Variants in AGAP1 observed in about 807,000 individuals in gnomAD.
AGAP1 encodes the protein arf-GAP with GTPase, ANK repeat and PH domain-containing protein 1.
In AGAP1, 29 loss-of-function variants were observed where a neutral mutation model predicts 105.3. That is an observed-to-expected ratio of 0.28 (90% confidence interval 0.21 to 0.38). The LOEUF (loss-of-function observed/expected upper bound fraction) is 0.38. AGAP1 is among the 10% of genes least tolerant of loss of function. The pLI is 1.00. For missense variants in AGAP1, 998 were observed against 1,165.1 expected (o/e 0.86, Z 2.09); for synonymous variants, 509 against 485.9 (o/e 1.05, Z -0.63).
rs923891745 is a variant in AGAP1, at chr2:235,692,292, CT to C, written c.164-16886del. ...TCGCCTCTGTAACAGAACGTGGCCC[CT>C]GCCTTCCATCTTCCCCAGGGTGCCA... On this transcript the variant is annotated intron_variant, in intron 1 of 17. Coordinates refer to ENST00000304032, the MANE Select transcript of AGAP1 (RefSeq NM_001037131.3). This position sits in a 1 kb window ranked among gnomAD's most constrained non-coding sequence, Gnocchi z 5.8. 6.6e-6 allele frequency among the ~76,000 whole-genome samples: 1 copy of C among 152,164 alleles called. No individual in the cohort carries two copies. Among genetic ancestry groups the C allele is most frequent in the African/African-American group, 2.4e-5 (1 of 41,436 alleles).
At position 236,126,510 on chromosome 2, in the gene AGAP1, G is replaced by A. The variant is rs919973979; in HGVS notation, c.*2388G>A. The stretch of plus-strand genomic sequence containing the variant: ...GCTTCTCTTTGGGATGTATATGAGC[G>A]TGTACATATTATTCTATGTGTTTAT... On this transcript the variant is annotated 3_prime_UTR_variant, in exon 18 of 18. Transcript: ENST00000304032. 8 of 152,320 alleles carry A rather than the reference G, an allele frequency of 5.3e-5. No individual in the cohort carries two copies. The highest frequency in any genetic ancestry group is 9.6e-5 in the African/African-American group (4 of 41,570). The allele number at this position is 152,320 out of a possible 1,614,324, so 9.4% of individuals were successfully genotyped here.
rs567202226 is a variant in AGAP1 at position 235,964,703 on chromosome 2, A to G, written c.1484-3759A>G. Among the ~76,000 whole-genome samples the G allele has an allele frequency of 2.0e-5, 3 of 152,206 alleles. No homozygotes were observed. The East Asian group carries it at 5.8e-4, about 29-fold the overall frequency. On this transcript the variant is annotated intron_variant, in intron 12 of 17. Coordinates refer to ENST00000304032, the MANE Select transcript of AGAP1 (RefSeq NM_001037131.3). The surrounding 1 kb of genome is among the most constrained non-coding windows in gnomAD (Gnocchi z 4.6). ...CCAAGATATCTATAGCTTTTATCTG[A>G]TATTCAGTGGAATCTAGTATTTCAG...
At chr2:235,808,927 G>A (rs1471476816) in intron 9 of AGAP1, among the ~76,000 whole-genome samples, 1 of 152,022 alleles carries the variant, frequency 6.6e-6, no homozygotes, top group Non-Finnish European at 1.5e-5. Context: ...ACCTAACTCT[G>A]CATAAGCTAA....
Position 235,750,636 on chromosome 2 carries a change from A to G in AGAP1, c.673+148A>G. ...TAGTATCGAGAGCAGTCCATTCCAG[A>G]GGCAATTCTCAGGTATGTTTCATAT... is the stretch of plus-strand genomic sequence containing the variant. On this transcript the variant is annotated intron_variant, in intron 6 of 17. Transcript: ENST00000304032. The surrounding 1 kb of genome is among the most constrained non-coding windows in gnomAD (Gnocchi z 5.3). 8.4e-7 allele frequency: 1 copy of G among 1,189,878 alleles called. No homozygotes were observed. Among genetic ancestry groups the G allele is most frequent in the Non-Finnish European group, 1.2e-6 (1 of 831,962 alleles). The allele number at this position is 1,189,878 out of a possible 1,614,324, so 73.7% of individuals were successfully genotyped here.
intron 13 of AGAP1, among the ~76,000 whole-genome samples, chr2:236,030,743 A>G (rs2057197959): frequency 6.6e-6 from 1 of 152,204 alleles, no homozygotes; most frequent in Non-Finnish European, 1.5e-5. Flanking sequence ...CCCCAGGAAC[A>G]AGGGAGAAAT....
chr2:235,938,393 C>T (rs905374276), intron 12 of AGAP1, among the ~76,000 whole-genome samples: 4 of 152,190 alleles, frequency 2.6e-5, no homozygotes, highest in East Asian at 1.9e-4. Flanking sequence ...ACGCTGGGTG[C>T]GCAGCGTGTC....
At chr2:235,918,024 TATA>T (rs1241469067) in intron 11 of AGAP1, among the ~76,000 whole-genome samples, 4 of 152,154 alleles carry the variant, frequency 2.6e-5, no homozygotes, top group Non-Finnish European at 5.9e-5. Context: ...TAGAAAACAT[TATA>T]ATAACTCTGG....
chr2:235,947,963 G>C (rs1387398301), intron 12 of AGAP1, among the ~76,000 whole-genome samples: 1 of 152,234 alleles, frequency 6.6e-6, no homozygotes, highest in Non-Finnish European at 1.5e-5. Flanking sequence ...GATCCAGCGT[G>C]CAATGTACGG....
intron 13 of AGAP1, among the ~76,000 whole-genome samples, chr2:235,997,414 A>G (rs1193624840): frequency 2.0e-5 from 3 of 152,210 alleles, no homozygotes; most frequent in African/African-American, 4.8e-5. Flanking sequence ...AATATAACTC[A>G]TAATTTAAGA....
rs866353682 is a variant in AGAP1, at chr2:235,612,787, T to C, written c.164-96392T>C. On this transcript the variant is annotated intron_variant, in intron 1 of 17. Coordinates refer to ENST00000304032, the MANE Select transcript of AGAP1 (RefSeq NM_001037131.3). This position sits in a 1 kb window ranked among gnomAD's most constrained non-coding sequence, Gnocchi z 4.3. ...CGCATACCTGGCACCTGCTTCCAGG[T>C]TGGCCTGCCAGCCGATGTTGTGATC... is the stretch of plus-strand genomic sequence containing the variant. Among the ~76,000 whole-genome samples, 1 of 152,126 alleles carries C rather than the reference T, an allele frequency of 6.6e-6. No homozygotes were observed. The highest frequency in any genetic ancestry group is 1.5e-5 in the Non-Finnish European group (1 of 68,042).
intron 1 of AGAP1, among the ~76,000 whole-genome samples, chr2:235,543,894 A>G (rs2149100772): frequency 6.6e-6 from 1 of 152,246 alleles, no homozygotes; most frequent in Non-Finnish European, 1.5e-5. Context: ...TCAGGGAATC[A>G]CGGGATGGTT....
chr2:235,500,312 T>C (rs574922387), intron 1 of AGAP1, among the ~76,000 whole-genome samples: 90 of 151,728 alleles, frequency 5.9e-4, no homozygotes, highest in African/African-American at 2.1e-3. Flanking sequence ...TCAGGTCACA[T>C]TGAGGGCTGA....
At chr2:235,825,317 C>T (rs972822027) in intron 9 of AGAP1, among the ~76,000 whole-genome samples, 9 of 152,216 alleles carry the variant, frequency 5.9e-5, no homozygotes, top group Admixed American at 2.0e-4. Flanking sequence ...ATCCAACGAC[C>T]CTTTGAACAG....
At chr2:235,933,103 A>G (rs975544568) in intron 12 of AGAP1, among the ~76,000 whole-genome samples, 7 of 152,206 alleles carry the variant, frequency 4.6e-5, no homozygotes, top group African/African-American at 1.4e-4. Flanking sequence ...GGAGAGCTGT[A>G]GGGAGAGCCC....
chr2:235,977,102 G>A lies in AGAP1; in HGVS notation c.1645+8479G>A, dbSNP rs1559716786. ...AGATTCTCTTCTGCGAGTGGGGCTC[G>A]GTTAGCACAAGCTGCTCACAGGCTC... On this transcript the variant is annotated intron_variant, in intron 13 of 17. Transcript: ENST00000304032. The surrounding 1 kb of genome is among the most constrained non-coding windows in gnomAD (Gnocchi z 5.2). Among the ~76,000 whole-genome samples the A allele has an allele frequency of 6.6e-6, 1 of 152,258 alleles. No individual in the cohort carries two copies. Among genetic ancestry groups the A allele is most frequent in the East Asian group, 1.9e-4 (1 of 5,166 alleles).
In AGAP1 at chr2:236,050,691, G is replaced by C. The variant is rs2057871497; in HGVS notation, c.2114+1410G>C. ...ATTAGATTGAGCTTAATATATGAAT[G>C]CAGAAAACATTGAAATAAGCTGGAA... On this transcript the variant is annotated intron_variant, in intron 16 of 17. Transcript: ENST00000304032. This position sits in a 1 kb window ranked among gnomAD's most constrained non-coding sequence, Gnocchi z 4.0. Among the ~76,000 whole-genome samples, 1 of 152,166 alleles carries C rather than the reference G, an allele frequency of 6.6e-6. No homozygotes were observed. Among genetic ancestry groups the C allele is most frequent in the Non-Finnish European group, 1.5e-5 (1 of 68,034 alleles).
In AGAP1 at chr2:235,788,538, G is replaced by T. The variant is rs1157526893; in HGVS notation, c.674-9221G>T. Among the ~76,000 whole-genome samples the T allele has an allele frequency of 1.3e-5, 2 of 151,766 alleles. No individual in the cohort carries two copies. Among genetic ancestry groups the T allele is most frequent in the Non-Finnish European group, 2.9e-5 (2 of 67,946 alleles). On this transcript the variant is annotated intron_variant, in intron 6 of 17. Transcript: ENST00000304032. This position sits in a 1 kb window ranked among gnomAD's most constrained non-coding sequence, Gnocchi z 6.0. ...GGTGAGGAGAGGATTGGGAGGCAAG[G>T]TGGGGCGAGGAGAAGAGCGGGAGGG... is the stretch of plus-strand genomic sequence containing the variant.
Position 235,769,297 on chromosome 2 carries a change from A to G in AGAP1, c.673+18809A>G, listed in dbSNP as rs182434730. Among the ~76,000 whole-genome samples, 609 of 152,332 alleles carry G rather than the reference A, an allele frequency of 4.0e-3. 3 individuals are homozygous for G. Among genetic ancestry groups the G allele is most frequent in the Non-Finnish European group, 7.3e-3 (494 of 68,038 alleles). ...GCAGTCATTGCTCACCAGAGCCAGG[A>G]CATGCCTGGGCTGCTGAGTGGGGCG... On this transcript the variant is annotated intron_variant, in intron 6 of 17. Coordinates refer to ENST00000304032, the MANE Select transcript of AGAP1 (RefSeq NM_001037131.3). The surrounding 1 kb of genome is among the most constrained non-coding windows in gnomAD (Gnocchi z 4.4).
At position 235,959,321 on chromosome 2, in the gene AGAP1, A is replaced by G. The variant is rs1023182429; in HGVS notation, c.1484-9141A>G. ...TTTCGGGGCCTCTTCAATTTGAGGA[A>G]TACCTTGTCAGGCGAGGGGAGTAGT... is the stretch of plus-strand genomic sequence containing the variant. On this transcript the variant is annotated intron_variant, in intron 12 of 17. Transcript: ENST00000304032. This position sits in a 1 kb window ranked among gnomAD's most constrained non-coding sequence, Gnocchi z 7.3. Among the ~76,000 whole-genome samples, 23 of 152,184 alleles carry G rather than the reference A, an allele frequency of 1.5e-4. No individual in the cohort carries two copies. The highest frequency in any genetic ancestry group is 5.5e-4 in the African/African-American group (23 of 41,442).
Sources: gnomAD v4.1 joint callset for allele counts (sites outside exome capture counted in the v4.1 genomes callset) on GRCh38, gnomAD v4.1.1 for gene constraint, Gnocchi (gnomAD v3.1) non-coding constraint, MANE v1.5 for transcripts, NCBI Gene and HGNC (gene_info 2026-07-23, HGNC 2026-07-21) for gene names.